The following WIF1 variants were observed in gnomAD, a reference collection of about 807,000 sequenced individuals.
WIF1 encodes Wnt inhibitory factor 1.
A neutral mutation model predicts 53.5 loss-of-function variants in WIF1; 35 were observed. The observed-to-expected ratio is 0.65, with a 90% CI of 0.50 to 0.87. The LOEUF is 0.87. WIF1 is among the 40% of genes least tolerant of loss of function. WIF1 has a pLI of 0.00. For missense variants in WIF1, 467 were observed against 476.8 expected, an observed-to-expected ratio of 0.98 and a Z score of 0.19; for synonymous variants, 171 against 170.4, an observed-to-expected ratio of 1.00 and a Z score of -0.03.
chr12:65,066,745 G>A lies in WIF1; in HGVS notation c.635-9C>T. 6.3e-7 allele frequency: 1 copy of A among 1,584,376 alleles called. No individual in the cohort carries two copies. The highest frequency in any genetic ancestry group is 8.6e-7 in the Non-Finnish European group (1 of 1,166,002). The stretch of plus-strand genomic sequence containing the variant: ...TCGTGGGGTACAAAGGGCTTATAGG[G>A]AGAGAGAACCCTGATTAAGGCCAAA... On this transcript the variant is annotated splice_polypyrimidine_tract_variant and intron_variant, in intron 5 of 9. Transcript: ENST00000286574.
At chr12:65,085,892 T>G (rs981010161) in intron 2 of WIF1, among the ~76,000 whole-genome samples, 4 of 152,210 alleles carry the variant, frequency 2.6e-5, no homozygotes, top group Non-Finnish European at 4.4e-5. Flanking sequence ...TTTCCATTTT[T>G]TCCTCCTAGA....
chr12:65,100,300 T>G (rs1003369677), intron 2 of WIF1, among the ~76,000 whole-genome samples: 1 of 152,146 alleles, frequency 6.6e-6, no homozygotes, highest in Admixed American at 6.6e-5. Flanking sequence ...TTAACAGCCC[T>G]GATGAAAAGG....
At chr12:65,115,188 A>AAC (rs1385632304) in intron 2 of WIF1, among the ~76,000 whole-genome samples, 1 of 151,618 alleles carries the variant, frequency 6.6e-6, no homozygotes, top group African/African-American at 2.4e-5. Flanking sequence ...AAAAAAAAAA[A>AAC]AAAAAAAGGC....
intron 2 of WIF1, among the ~76,000 whole-genome samples, chr12:65,083,160 A>AT (rs879256033): frequency 2.6e-5 from 4 of 152,228 alleles, no homozygotes; most frequent in Non-Finnish European, 2.9e-5. Context: ...AGATTCGCAG[A>AT]TTCACTGTGA....
intron 2 of WIF1, among the ~76,000 whole-genome samples, chr12:65,106,517 C>T (rs1382350463): frequency 6.6e-6 from 1 of 152,024 alleles, no homozygotes; most frequent in Non-Finnish European, 1.5e-5. Context: ...GTGCTCGCCA[C>T]CACGCCTGGC....
At chr12:65,108,291 G>C (rs999203958) in intron 2 of WIF1, among the ~76,000 whole-genome samples, 1 of 152,120 alleles carries the variant, frequency 6.6e-6, no homozygotes, top group African/African-American at 2.4e-5. Flanking sequence ...ATTGAGTGGA[G>C]GTCAAAAGAA....
chr12:65,106,751 C>A (rs1883358727), intron 2 of WIF1, among the ~76,000 whole-genome samples: 2 of 152,216 alleles, frequency 1.3e-5, no homozygotes, highest in South Asian at 4.1e-4. Flanking sequence ...AAAGATTGAG[C>A]TCACTGAGTT....
rs557970680 is a variant in WIF1, at chr12:65,056,145, C to A, written c.827-19G>T. ...CATTTGCCTGAAAAAGAGAAGAATG[C>A]AGCTAAACAAGGAACCTGGTGCTTC... is the stretch of plus-strand genomic sequence containing the variant. On this transcript the variant is annotated intron_variant, in intron 7 of 9. Coordinates refer to ENST00000286574, the MANE Select transcript of WIF1 (RefSeq NM_007191.5). 2 of 1,608,996 alleles carry A rather than the reference C, an allele frequency of 1.2e-6. No individual in the cohort carries two copies. The highest frequency in any genetic ancestry group is 1.1e-5 in the South Asian group (1 of 90,678).
At chr12:65,071,497 T>G (rs969458208) in intron 3 of WIF1, among the ~76,000 whole-genome samples, 1 of 152,146 alleles carries the variant, frequency 6.6e-6, no homozygotes, top group South Asian at 2.1e-4. Context: ...AGAAATGATA[T>G]CCCTAAAAAT....
intron 2 of WIF1, among the ~76,000 whole-genome samples, chr12:65,101,782 T>C (rs990624670): frequency 6.6e-6 from 1 of 152,168 alleles, no homozygotes; most frequent in Non-Finnish European, 1.5e-5. Flanking sequence ...ATAGCTGGTG[T>C]GGGAGCTGGG....
chr12:65,089,120 T>C (rs1039782387), intron 2 of WIF1, among the ~76,000 whole-genome samples: 2 of 152,162 alleles, frequency 1.3e-5, no homozygotes, highest in Admixed American at 6.6e-5. Flanking sequence ...TCTAGATTCA[T>C]ATTGACAACT....
chr12:65,099,236 G>A (rs1883246036), intron 2 of WIF1, among the ~76,000 whole-genome samples: 1 of 152,122 alleles, frequency 6.6e-6, no homozygotes, highest in South Asian at 2.1e-4. Flanking sequence ...ATCAATTCCT[G>A]ATGTTTTCAA....
At chr12:65,102,203 T>C (rs145130725) in intron 2 of WIF1, among the ~76,000 whole-genome samples, 3 of 152,266 alleles carry the variant, frequency 2.0e-5, no homozygotes, top group South Asian at 2.1e-4. Context: ...ACAGAATACA[T>C]GGTATACTGG....
At chr12:65,067,456 A>G (rs1353014967) in intron 5 of WIF1, among the ~76,000 whole-genome samples, 1 of 152,184 alleles carries the variant, frequency 6.6e-6, no homozygotes, top group East Asian at 1.9e-4. Context: ...AGGAGGAAAA[A>G]AACCTCAAAA....
chr12:65,077,898 A>G (rs777378256), intron 2 of WIF1, 44 bp from the exon 3 acceptor site: 12 of 1,456,852 alleles, frequency 8.2e-6, no homozygotes, highest in African/African-American at 1.4e-5. Flanking sequence ...GAAACCAGAG[A>G]GGGAGAAGGC....
At chr12:65,055,023 A>G in intron 9 of WIF1, 95 bp downstream of exon 9, 1 of 1,296,020 alleles carries the variant, frequency 7.7e-7, no homozygotes, top group Non-Finnish European at 1.1e-6. Context: ...GAAGCCAAGA[A>G]ACCGAAGTGA....
intron 2 of WIF1, among the ~76,000 whole-genome samples, chr12:65,099,795 A>G (rs1213812036): frequency 1.3e-5 from 2 of 152,170 alleles, no homozygotes; most frequent in Non-Finnish European, 2.9e-5. Flanking sequence ...TCATTTTTAT[A>G]CAATGTAGCA....
chr12:65,113,685 C>T (rs1883466502), intron 2 of WIF1, among the ~76,000 whole-genome samples: 2 of 152,146 alleles, frequency 1.3e-5, no homozygotes, highest in Admixed American at 1.3e-4. Flanking sequence ...CACATGCCTG[C>T]TTTGCTAAAT....
At chr12:65,077,473 T>C (rs1159014005) in intron 3 of WIF1, among the ~76,000 whole-genome samples, 2 of 151,982 alleles carry the variant, frequency 1.3e-5, no homozygotes, top group African/African-American at 2.4e-5. Context: ...TTCTTTCTCC[T>C]TTTTTTTCTT....
Sources: allele counts gnomAD v4.1 joint callset (sites outside exome capture counted in the v4.1 genomes callset), GRCh38; gene constraint gnomAD v4.1.1; transcripts MANE v1.5; gene names NCBI Gene and HGNC (gene_info 2026-07-23, HGNC 2026-07-21).